Variants in CCNT2 observed in about 807,000 individuals in gnomAD.
The protein encoded by CCNT2 is cyclin-T2.
Under a neutral mutation model 70.0 loss-of-function variants are expected in CCNT2, and 18 were observed. The observed-to-expected ratio is 0.26, with a 90% confidence interval of 0.18 to 0.38. The LOEUF (loss-of-function observed/expected upper bound fraction) is 0.38, where lower values mean the gene tolerates loss of function less well. Ranked by LOEUF, CCNT2 falls within the 10% of genes least tolerant of loss-of-function variation. The pLI is 1.00. For missense variants in CCNT2, 734 were observed against 890.2 expected (o/e 0.82, Z 2.23); for synonymous variants, 334 against 313.3 (o/e 1.07, Z -0.70).
intron 2 of CCNT2, among the ~76,000 whole-genome samples, chr2:134,928,464 G>A (rs1255616189): frequency 1.3e-5 from 2 of 151,638 alleles, no homozygotes; most frequent in Non-Finnish European, 2.9e-5. Flanking sequence ...TTTTAGTAGA[G>A]CCAGGTTTTC....
At chr2:134,929,724 G>A (rs932385838) in intron 2 of CCNT2, among the ~76,000 whole-genome samples, 7 of 146,752 alleles carry the variant, frequency 4.8e-5, no homozygotes, top group African/African-American at 7.6e-5. Context: ...ATCTCAGCTC[G>A]CTCCAGCCTC....
At chr2:134,932,230 ACCT>A (rs1228983918) in intron 2 of CCNT2, among the ~76,000 whole-genome samples, 4 of 151,888 alleles carry the variant, frequency 2.6e-5, no homozygotes, top group African/African-American at 2.4e-5. Context: ...CAAACTCCTG[ACCT>A]CAGGTGATCC....
intron 2 of CCNT2, among the ~76,000 whole-genome samples, chr2:134,923,094 A>C (rs138459184): frequency 5.3e-5 from 8 of 152,238 alleles, no homozygotes; most frequent in African/African-American, 1.9e-4. Flanking sequence ...CAGCCTGGCC[A>C]ATATGATGAA....
intron 6 of CCNT2, among the ~76,000 whole-genome samples, chr2:134,947,360 T>C (rs1235957851): frequency 2.6e-5 from 4 of 152,166 alleles, no homozygotes. Context: ...ATCTTTCCAT[T>C]TACATATTTA....
At chr2:134,940,682 T>C (rs1298701042) in intron 4 of CCNT2, among the ~76,000 whole-genome samples, 1 of 152,222 alleles carries the variant, frequency 6.6e-6, no homozygotes, top group African/African-American at 2.4e-5. Flanking sequence ...TCTGAACAGT[T>C]TGTCTCTCCA....
intron 2 of CCNT2, among the ~76,000 whole-genome samples, chr2:134,933,216 T>G (rs1680911407): frequency 6.6e-6 from 1 of 152,170 alleles, no homozygotes; most frequent in Non-Finnish European, 1.5e-5. Context: ...TGTTGAAGAG[T>G]AATCAGATAG....
Position 134,947,884 on chromosome 2 carries a change from C to G in CCNT2, c.688C>G (p.Leu230Val). 1 of 1,492,058 alleles carries G rather than the reference C, an allele frequency of 6.7e-7. No individual in the cohort carries two copies. The highest frequency in any genetic ancestry group is 9.1e-7 in the Non-Finnish European group (1 of 1,101,994). The allele number at this position is 1,492,058 out of a possible 1,614,324, so 92.4% of individuals were successfully genotyped here. ...WWEYVDPTVT[L>V]ELLDELTHEF... ...GGAATATGTGGATCCTACAGTTACT[C>G]TAGAATTATTAGATGGTAAGTAGAG... Residue 230 changes from leucine (L) to valine (V), a missense_variant, in exon 7 of 9, where the codon CTA (leucine) becomes GTA (valine). Physicochemically the swap from Leu to Val is conservative, Grantham distance 32 (BLOSUM62 1). Transcript: ENST00000264157.
intron 2 of CCNT2, among the ~76,000 whole-genome samples, chr2:134,929,500 T>A (rs1680563085): frequency 6.6e-6 from 1 of 151,256 alleles, no homozygotes; most frequent in Non-Finnish European, 1.5e-5. Flanking sequence ...CCCAGCTACT[T>A]GGGAGGCTGA....
At chr2:134,920,158 T>G (rs1679784450) in intron 2 of CCNT2, 1 of 295,090 alleles carries the variant, frequency 3.4e-6, no homozygotes, top group African/African-American at 2.2e-5. Context: ...TTACATAGGT[T>G]TTCTTCATTT....
At position 134,954,618 on chromosome 2, in the gene CCNT2, A is replaced by G. The variant is rs2105094783; in HGVS notation, c.2163A>G (p.Ser721=). The G allele has an allele frequency of 6.2e-7, 1 of 1,610,656 alleles. No individual in the cohort carries two copies. Among genetic ancestry groups the G allele is most frequent in the Non-Finnish European group, 8.5e-7 (1 of 1,176,950 alleles). ...DYKDTFDMLD[S]LLSAQGMNM Reference sequence around the variant, plus strand: ...AAGACACATTCGACATGCTGGACTCACTGTTAAGTGCCCAAGGAATGAACA... The same window carrying G: ...AAGACACATTCGACATGCTGGACTCGCTGTTAAGTGCCCAAGGAATGAACA... The change falls in exon 9 of 9, where the codon TCA becomes TCG. Residue 721 remains serine (S), a synonymous_variant. Coordinates refer to ENST00000264157, the MANE Select transcript of CCNT2 (RefSeq NM_058241.3).
At chr2:134,952,499 C>T in intron 7 of CCNT2, 142 bp from the exon 8 acceptor site, 1 of 478,770 alleles carries the variant, frequency 2.1e-6, no homozygotes, top group Non-Finnish European at 3.7e-6. Context: ...GTTGTGTGTA[C>T]TTCTGTGTAT....
Position 134,953,526 on chromosome 2 carries a change from A to G in CCNT2, c.1071A>G (p.Ser357=), listed in dbSNP as rs146692051. 9.3e-6 allele frequency: 15 copies of G among 1,614,094 alleles called. No homozygotes were observed. Among genetic ancestry groups the G allele is most frequent in the African/African-American group, 6.7e-5 (5 of 74,936 alleles). Residue 357 remains serine, a synonymous_variant, in exon 9 of 9, where the codon TCA becomes TCG. Transcript: ENST00000264157. ...AGGAATGGCCTCAACATCAAGACTC[A>G]GCAAGGACAGAACAGCTATATTCAC... ...SHQEWPQHQD[S]ARTEQLYSQK...
intron 2 of CCNT2, among the ~76,000 whole-genome samples, chr2:134,929,791 C>T (rs1429930209): frequency 2.0e-5 from 3 of 151,348 alleles, no homozygotes; most frequent in Non-Finnish European, 4.4e-5. Flanking sequence ...GCTGGGATTA[C>T]AGGCATGCAC....
rs776568653 is a variant in CCNT2, at chr2:134,953,546, A to G, written c.1091A>G (p.Tyr364Cys). ...HQDSARTEQLYSQKQETSLSG... is the reference protein window; with the variant it reads ...HQDSARTEQLCSQKQETSLSG... ...GACTCAGCAAGGACAGAACAGCTATATTCACAGAAACAGGAGACATCTTTG... is the reference window on the plus strand; with the variant it reads ...GACTCAGCAAGGACAGAACAGCTATGTTCACAGAAACAGGAGACATCTTTG... Residue 364 changes from tyrosine (Y) to cysteine (C), a missense_variant, in exon 9 of 9, where the codon TAT becomes TGT. Physicochemically the swap from Tyr to Cys is radical, Grantham distance 194. Transcript: ENST00000264157. 3 of 1,614,254 alleles carry G rather than the reference A, an allele frequency of 1.9e-6. No homozygotes were observed. The highest frequency in any genetic ancestry group is 1.1e-5 in the South Asian group (1 of 91,088).
intron 2 of CCNT2, among the ~76,000 whole-genome samples, chr2:134,930,340 T>C (rs1680649858): frequency 1.3e-5 from 2 of 152,240 alleles, no homozygotes; most frequent in African/African-American, 4.8e-5. Flanking sequence ...GTAATTAATA[T>C]TCTATTCGTC....
intron 7 of CCNT2, among the ~76,000 whole-genome samples, chr2:134,948,998 A>C (rs1682225861): frequency 6.6e-6 from 1 of 151,810 alleles, no homozygotes; most frequent in African/African-American, 2.4e-5. Context: ...TACAGGCTTG[A>C]GCCACTGTGC....
chr2:134,925,625 C>T (rs1188014094), intron 2 of CCNT2, among the ~76,000 whole-genome samples: 1 of 152,088 alleles, frequency 6.6e-6, no homozygotes, highest in Non-Finnish European at 1.5e-5. Context: ...CTGTACTACC[C>T]ATTATTCCAC....
intron 2 of CCNT2, among the ~76,000 whole-genome samples, chr2:134,929,636 A>AGAGAGAGAGAGAGAGAGAGAG (rs1419165195): frequency 2.2e-4 from 29 of 129,800 alleles, no homozygotes; most frequent in East Asian, 5.4e-4. Flanking sequence ...AGAGAGAGAG[A>AGAGAGAGAGAGAGAGAGAGAG]ACTAATAAAT....
At position 134,941,146 on chromosome 2, in the gene CCNT2, A is replaced by G. The variant is rs141147182; in HGVS notation, c.431-1466A>G. ...GAAGGATCTAAAGCCAGAGAATTTA[A>G]TGCCAGCGAAAGACAGAAATTGTGG... is the stretch of plus-strand genomic sequence containing the variant. On this transcript the variant is annotated intron_variant, in intron 4 of 8. Coordinates refer to ENST00000264157, the MANE Select transcript of CCNT2 (RefSeq NM_058241.3). Among the ~76,000 whole-genome samples the G allele has an allele frequency of 4.6e-5, 7 of 152,316 alleles. No homozygotes were observed. In the East Asian group the frequency reaches 1.4e-3, roughly 29 times the overall value.
Sources: gnomAD v4.1 joint callset for allele counts (sites outside exome capture counted in the v4.1 genomes callset) on GRCh38, gnomAD v4.1.1 for gene constraint, MANE v1.5 for transcripts, NCBI Gene and HGNC (gene_info 2026-07-23, HGNC 2026-07-21) for gene names.